The following REC114 variants were observed in gnomAD, a reference collection of about 807,000 sequenced individuals.
The protein encoded by REC114 is meiotic recombination protein REC114.
In REC114, 27 loss-of-function variants were observed where a neutral mutation model predicts 31.3. The observed-to-expected ratio is 0.86, with a 90% confidence interval of 0.64 to 1.19. REC114 has a LOEUF of 1.19. Ranked by LOEUF, REC114 falls within the 50% of genes most tolerant of loss-of-function variation. The pLI is 0.00. For missense variants in REC114, 344 were observed against 326.9 expected (o/e 1.05, Z -0.40); for synonymous variants, 134 against 127.7 (o/e 1.05, Z -0.33).
chr15:73,537,268 A>G (rs1894168353), intron 2 of REC114, among the ~76,000 whole-genome samples: 1 of 152,230 alleles, frequency 6.6e-6, no homozygotes, highest in Admixed American at 6.5e-5. Flanking sequence ...TTGAGAGACT[A>G]GGCAAGAAGT....
At chr15:73,490,418 TAATA>T (rs1437274963) in intron 2 of REC114, among the ~76,000 whole-genome samples, 1 of 152,166 alleles carries the variant, frequency 6.6e-6, no homozygotes, top group Non-Finnish European at 1.5e-5. Context: ...TTATATATAA[TAATA>T]AAGTATCTGG....
chr15:73,558,613 C>A (rs949701137), intron 5 of REC114, among the ~76,000 whole-genome samples: 1 of 152,174 alleles, frequency 6.6e-6, no homozygotes, highest in Admixed American at 6.5e-5. Flanking sequence ...AGACATCCTG[C>A]AAACTTATTA....
At chr15:73,520,504 A>G (rs1364390098) in intron 2 of REC114, among the ~76,000 whole-genome samples, 1 of 152,194 alleles carries the variant, frequency 6.6e-6, no homozygotes, top group Non-Finnish European at 1.5e-5. Flanking sequence ...TTGGGATTAC[A>G]GGTGTGAGCC....
At chr15:73,467,423 A>G (rs184407912) in intron 1 of REC114, among the ~76,000 whole-genome samples, 1 of 152,268 alleles carries the variant, frequency 6.6e-6, no homozygotes, top group East Asian at 1.9e-4. Context: ...TTTGTTGTGT[A>G]TTGTCTGTAC....
At chr15:73,528,063 TAAAA>T (rs147538535) in intron 2 of REC114, among the ~76,000 whole-genome samples, 2 of 151,256 alleles carry the variant, frequency 1.3e-5, no homozygotes, top group African/African-American at 4.9e-5. Context: ...GACACTTTTT[TAAAA>T]AAAAACCCTC....
intron 2 of REC114, among the ~76,000 whole-genome samples, chr15:73,513,475 C>T (rs1893806851): frequency 6.7e-6 from 1 of 148,624 alleles, no homozygotes; most frequent in Admixed American, 6.7e-5. Flanking sequence ...CAGCTTTGTT[C>T]CGTTGCTGGT....
intron 1 of REC114, among the ~76,000 whole-genome samples, chr15:73,471,696 C>G (rs188521616): frequency 2.6e-5 from 4 of 151,918 alleles, no homozygotes; most frequent in African/African-American, 9.7e-5. Context: ...GTGAGTGTTT[C>G]TATCCAACAA....
intron 2 of REC114, among the ~76,000 whole-genome samples, chr15:73,485,062 A>G (rs1291086041): frequency 6.6e-6 from 1 of 152,226 alleles, no homozygotes; most frequent in African/African-American, 2.4e-5. Context: ...ATAAACTTTT[A>G]AAGTCAAGTT....
intron 1 of REC114, among the ~76,000 whole-genome samples, chr15:73,466,219 A>G (rs1893056420): frequency 6.6e-6 from 1 of 152,106 alleles, no homozygotes; most frequent in Admixed American, 6.5e-5. Flanking sequence ...ATATTTTATG[A>G]AATTGTTCAT....
intron 1 of REC114, among the ~76,000 whole-genome samples, chr15:73,444,035 A>G (rs922384071): frequency 6.6e-6 from 1 of 152,202 alleles, no homozygotes; most frequent in Non-Finnish European, 1.5e-5. Flanking sequence ...AATTATGTCT[A>G]AAAGAACAAC....
chr15:73,558,115 G>A (rs923073998), intron 5 of REC114, among the ~76,000 whole-genome samples: 2 of 152,142 alleles, frequency 1.3e-5, no homozygotes, highest in Non-Finnish European at 2.9e-5. Context: ...TGAGGCAGGA[G>A]GATCATTTAA....
chr15:73,505,792 A>G (rs1039879717), intron 2 of REC114, among the ~76,000 whole-genome samples: 4 of 152,032 alleles, frequency 2.6e-5, no homozygotes, highest in Non-Finnish European at 4.4e-5. Context: ...TCGGCCTCCC[A>G]AAGTGCTGGG....
intron 2 of REC114, among the ~76,000 whole-genome samples, chr15:73,513,189 T>C (rs1262159066): frequency 2.7e-5 from 4 of 148,542 alleles, no homozygotes; most frequent in Non-Finnish European, 6.0e-5. Flanking sequence ...CTTCATTTCA[T>C]TCATTTCATC....
chr15:73,509,178 C>T (rs1359880915), intron 2 of REC114, among the ~76,000 whole-genome samples: 3 of 152,222 alleles, frequency 2.0e-5, no homozygotes, highest in Admixed American at 1.3e-4. Flanking sequence ...TTTTGATTTG[C>T]GTTTCTCTGA....
At chr15:73,467,977 A>G (rs992358599) in intron 1 of REC114, among the ~76,000 whole-genome samples, 1 of 151,684 alleles carries the variant, frequency 6.6e-6, no homozygotes, top group Non-Finnish European at 1.5e-5. Context: ...CCTCAATGCC[A>G]GCAATCACAT....
chr15:73,460,055 AT>A (rs892726698), intron 1 of REC114, among the ~76,000 whole-genome samples: 1 of 152,012 alleles, frequency 6.6e-6, no homozygotes, highest in Non-Finnish European at 1.5e-5. Flanking sequence ...ATGTTCTAAC[AT>A]TTTTTTTCTA....
At chr15:73,531,145 TCTC>T (rs976098352) in intron 2 of REC114, among the ~76,000 whole-genome samples, 1 of 152,182 alleles carries the variant, frequency 6.6e-6, no homozygotes, top group African/African-American at 2.4e-5. Flanking sequence ...CCCATGATAT[TCTC>T]CTGGCTTCCT....
At position 73,508,471 on chromosome 15, in the gene REC114, T is replaced by G. The variant is rs560891754; in HGVS notation, c.250-32014T>G. ...TTTTTTTTTTAATTATACTTTAAGTTTTAGGGTATATGTGCACATTGTGCA... is the reference window on the plus strand; with the variant it reads ...TTTTTTTTTTAATTATACTTTAAGTGTTAGGGTATATGTGCACATTGTGCA... On this transcript the variant is annotated intron_variant, in intron 2 of 5. Transcript: ENST00000331090. Among the ~76,000 whole-genome samples the G allele has an allele frequency of 5.1e-4, 77 of 151,644 alleles. 1 individual carries two copies. Among genetic ancestry groups the G allele is most frequent in the African/African-American group, 1.6e-3 (68 of 41,322 alleles).
chr15:73,452,580 A>G (rs1395327104), intron 1 of REC114, among the ~76,000 whole-genome samples: 1 of 152,220 alleles, frequency 6.6e-6, no homozygotes, highest in Admixed American at 6.5e-5. Flanking sequence ...TACAGATTCA[A>G]TGCTATCCCC....
Sources: allele counts gnomAD v4.1 joint callset (sites outside exome capture counted in the v4.1 genomes callset), GRCh38; gene constraint gnomAD v4.1.1; transcripts MANE v1.5; gene names NCBI Gene and HGNC (gene_info 2026-07-23, HGNC 2026-07-21).